The following WWOX variants were observed in gnomAD, a reference collection of about 807,000 sequenced individuals.
WWOX encodes the protein WW domain-containing oxidoreductase.
Under a neutral mutation model 46.2 loss-of-function variants are expected in WWOX, and 69 were observed. That is an observed-to-expected ratio of 1.49 (90% CI 1.23 to 1.82). The LOEUF is 1.82. WWOX is among the 40% of genes most tolerant of loss of function. The pLI, the probability that WWOX is intolerant of heterozygous loss-of-function variation, is 0.00. For synonymous variants in WWOX, 359 were observed against 202.6 expected, an observed-to-expected ratio of 1.77 and a Z score of -6.56; for missense variants, 919 against 542.6, an observed-to-expected ratio of 1.69 and a Z score of -6.89.
rs536209614 is a variant in WWOX, at chr16:78,746,472, C to T, written c.1056+313720C>T. ...ATGATCATGCCACTACACTCCAGTA[C>T]ACTCCAGGACTTTAGGCCTGCTAAA... On this transcript the variant is annotated intron_variant, in intron 8 of 8. Transcript: ENST00000566780. Among the ~76,000 whole-genome samples the T allele has an allele frequency of 3.3e-5, 5 of 152,256 alleles. 1 individual carries two copies. In the South Asian group the frequency reaches 8.3e-4, roughly 25 times the overall value.
At chr16:78,585,970 G>A (rs962666507) in intron 8 of WWOX, among the ~76,000 whole-genome samples, 4 of 151,946 alleles carry the variant, frequency 2.6e-5, no homozygotes, top group Non-Finnish European at 4.4e-5. Flanking sequence ...GCCGAGACTC[G>A]GGGATCCCTT....
At chr16:78,845,572 A>G (rs781218568) in intron 8 of WWOX, among the ~76,000 whole-genome samples, 9 of 152,216 alleles carry the variant, frequency 5.9e-5, no homozygotes, top group Non-Finnish European at 1.0e-4. Flanking sequence ...TTCCAATGCC[A>G]TATAATTTAC....
chr16:78,830,526 A>C (rs1372126391), intron 8 of WWOX, among the ~76,000 whole-genome samples: 3 of 152,010 alleles, frequency 2.0e-5, no homozygotes, highest in African/African-American at 7.2e-5. Context: ...ATTACCAGGG[A>C]AGCCTCCTTC....
intron 5 of WWOX, among the ~76,000 whole-genome samples, chr16:78,191,195 C>T (rs758195026): frequency 7.9e-5 from 12 of 152,186 alleles, no homozygotes; most frequent in Non-Finnish European, 1.5e-4. Context: ...GCCAGCCACA[C>T]ACACCTTTGT....
intron 8 of WWOX, among the ~76,000 whole-genome samples, chr16:78,859,372 C>T (rs2052663378): frequency 6.6e-6 from 1 of 151,834 alleles, no homozygotes; most frequent in Admixed American, 6.6e-5. Flanking sequence ...GCTCTGCCTT[C>T]CAGAAAAGAG....
intron 8 of WWOX, among the ~76,000 whole-genome samples, chr16:78,690,691 A>G (rs2047965219): frequency 6.6e-6 from 1 of 152,098 alleles, no homozygotes; most frequent in Admixed American, 6.5e-5. Flanking sequence ...TTGTCCCTCC[A>G]TCTGGGTGCT....
At chr16:78,659,447 ACT>A (rs776221066) in intron 8 of WWOX, among the ~76,000 whole-genome samples, 7 of 151,420 alleles carry the variant, frequency 4.6e-5, no homozygotes, top group Non-Finnish European at 7.4e-5. Context: ...TGAACCAGAA[ACT>A]CTGGGAGTAG....
chr16:78,649,368 G>T (rs1453004692), intron 8 of WWOX, among the ~76,000 whole-genome samples: 1 of 152,094 alleles, frequency 6.6e-6, no homozygotes, highest in Admixed American at 6.6e-5. Context: ...ACTGCAGCCT[G>T]TAGGTCCCGG....
rs543140310 is a variant in WWOX, at chr16:78,658,584, C to T, written c.1056+225832C>T. ...GCCTGCTCCGTGCCTCTCCTCCAGCCTCTGGTGGCTGCCATTAATCCTTGA... is the reference window on the plus strand; with the variant it reads ...GCCTGCTCCGTGCCTCTCCTCCAGCTTCTGGTGGCTGCCATTAATCCTTGA... On this transcript the variant is annotated intron_variant, in intron 8 of 8. Transcript: ENST00000566780. 7.9e-5 allele frequency among the ~76,000 whole-genome samples: 12 copies of T among 152,316 alleles called. No individual in the cohort carries two copies. The South Asian group carries it at 2.1e-3, about 26-fold the overall frequency.
At chr16:78,820,906 A>G (rs141926197) in intron 8 of WWOX, among the ~76,000 whole-genome samples, 1 of 151,896 alleles carries the variant, frequency 6.6e-6, no homozygotes, top group East Asian at 1.9e-4. Context: ...TCTAATCTCT[A>G]CTTCCTCCCT....
intron 8 of WWOX, among the ~76,000 whole-genome samples, chr16:78,780,909 G>C (rs147168615): frequency 6.6e-6 from 1 of 152,154 alleles, no homozygotes; most frequent in Admixed American, 6.5e-5. Context: ...GCTGCCTTGG[G>C]GAGCATGGGT....
At chr16:78,376,840 G>C (rs538740993) in intron 5 of WWOX, among the ~76,000 whole-genome samples, 2 of 152,320 alleles carry the variant, frequency 1.3e-5, no homozygotes, top group East Asian at 3.9e-4. Context: ...CCTCCCAACA[G>C]CTGGAACTGA....
At chr16:78,720,382 C>T (rs984388931) in intron 8 of WWOX, among the ~76,000 whole-genome samples, 2 of 145,904 alleles carry the variant, frequency 1.4e-5, no homozygotes, top group African/African-American at 2.8e-5. Flanking sequence ...ATTTTGCTTG[C>T]CAATGGTCAG....
chr16:78,223,120 T>G (rs769757312), intron 5 of WWOX, among the ~76,000 whole-genome samples: 5 of 152,188 alleles, frequency 3.3e-5, no homozygotes, highest in Non-Finnish European at 7.3e-5. Context: ...TTGTAGGCTG[T>G]GACTGTCAGT....
chr16:78,410,839 G>A lies in WWOX; in HGVS notation c.606-14031G>A, dbSNP rs117240814. On this transcript the variant is annotated intron_variant, in intron 6 of 8. Transcript: ENST00000566780. ...AAAAAAAAAAAAAAAGTTAGCTGGGGCCAAGGTCATCTCAAGTCTTGACTA... is the reference window on the plus strand; with the variant it reads ...AAAAAAAAAAAAAAAGTTAGCTGGGACCAAGGTCATCTCAAGTCTTGACTA... 6.1e-3 allele frequency among the ~76,000 whole-genome samples: 926 copies of A among 150,590 alleles called. 6 individuals carry two copies. Among genetic ancestry groups the A allele is most frequent in the Non-Finnish European group, 9.4e-3 (634 of 67,794 alleles).
At chr16:78,506,960 C>T (rs551486567) in intron 8 of WWOX, among the ~76,000 whole-genome samples, 1,758 of 152,174 alleles carry the variant, frequency 0.012, 32 homozygotes, top group Middle Eastern at 0.041. Context: ...GTGATCCTCC[C>T]ACCTCAGCTG....
chr16:78,763,746 C>T (rs926938720), intron 8 of WWOX, among the ~76,000 whole-genome samples: 3 of 152,134 alleles, frequency 2.0e-5, no homozygotes, highest in Non-Finnish European at 4.4e-5. Flanking sequence ...CCTTTTGATT[C>T]TTCTTTTCAC....
intron 5 of WWOX, among the ~76,000 whole-genome samples, chr16:78,332,736 C>T (rs60980599): frequency 0.013 from 2,023 of 152,192 alleles, 50 homozygotes; most frequent in African/African-American, 0.047. Flanking sequence ...GACTGAGGAT[C>T]ACTGAGTGTG....
At chr16:78,501,677 C>T (rs990747796) in intron 8 of WWOX, among the ~76,000 whole-genome samples, 4 of 152,088 alleles carry the variant, frequency 2.6e-5, no homozygotes, top group Admixed American at 6.5e-5. Flanking sequence ...ACTAGGATTA[C>T]AGGCATCCGC....
Sources: allele counts gnomAD v4.1 joint callset (sites outside exome capture counted in the v4.1 genomes callset), GRCh38; gene constraint gnomAD v4.1.1; transcripts MANE v1.5; gene names NCBI Gene and HGNC (gene_info 2026-07-23, HGNC 2026-07-21).